Variants in ITGA9 observed in about 807,000 individuals in gnomAD.
ITGA9 encodes integrin alpha-9.
A neutral mutation model predicts 127.8 loss-of-function variants in ITGA9; 56 were observed. The ratio of observed to expected loss-of-function variants is 0.44; its 90% confidence interval spans 0.35 to 0.55. The LOEUF (loss-of-function observed/expected upper bound fraction) is 0.55. ITGA9 is among the 20% of genes least tolerant of loss of function. The probability of loss-of-function intolerance (pLI) is 0.00; values close to 1 mark genes in which losing one functional copy is unlikely to be tolerated. For missense variants in ITGA9, 1,196 were observed against 1,347.1 expected (o/e 0.89, Z 1.76); for synonymous variants, 508 against 514.5 (o/e 0.99, Z 0.17).
chr3:37,707,341 G>A (rs1034753944), intron 18 of ITGA9, among the ~76,000 whole-genome samples: 24 of 152,202 alleles, frequency 1.6e-4, no homozygotes, highest in Non-Finnish European at 3.2e-4. Flanking sequence ...GTTCTCAGAA[G>A]TGGTTGCACC....
intron 2 of ITGA9, among the ~76,000 whole-genome samples, 186 bp from the exon 3 acceptor site, chr3:37,473,168 A>G (rs75439811): frequency 0.02 from 3,094 of 151,366 alleles, 108 homozygotes; most frequent in African/African-American, 0.069. Flanking sequence ...AAAAGAAAGA[A>G]AAAGAAAGCC....
In ITGA9 at chr3:37,522,724, TAAAAA is replaced by T. The variant is rs35125393; in HGVS notation, c.1237-787_1237-783del. The stretch of plus-strand genomic sequence containing the variant: ...GGCAACAGAGCAAGACTCTATCTCT[TAAAAA>T]AAAAAAAAAGAGAAAGTTTTTTGTT... On this transcript the variant is annotated intron_variant, in intron 11 of 27. Coordinates refer to ENST00000264741, the MANE Select transcript of ITGA9 (RefSeq NM_002207.3). Among the ~76,000 whole-genome samples, 588 of 145,566 alleles carry T rather than the reference TAAAAA, an allele frequency of 4.0e-3. 6 individuals are homozygous for T. The highest frequency in any genetic ancestry group is 0.013 in the African/African-American group (503 of 39,530).
chr3:37,661,325 T>C (rs1441578244), intron 17 of ITGA9, among the ~76,000 whole-genome samples: 6 of 152,154 alleles, frequency 3.9e-5, no homozygotes, highest in Admixed American at 6.5e-5. Flanking sequence ...CTCAGCCTCT[T>C]AGGTTGGGTT....
intron 15 of ITGA9, among the ~76,000 whole-genome samples, chr3:37,553,223 G>A (rs1273045229): frequency 6.6e-6 from 1 of 152,138 alleles, no homozygotes; most frequent in Non-Finnish European, 1.5e-5. Context: ...GATATTTCCT[G>A]AGAACAAGGA....
chr3:37,691,633 G>A (rs898159732), intron 18 of ITGA9, among the ~76,000 whole-genome samples: 2 of 152,190 alleles, frequency 1.3e-5, no homozygotes, highest in African/African-American at 4.8e-5. Flanking sequence ...CAGGCCACCA[G>A]CCTGTGACCT....
chr3:37,727,152 G>A (rs9876740), intron 18 of ITGA9, among the ~76,000 whole-genome samples: 289 of 152,264 alleles, frequency 1.9e-3, no homozygotes, highest in African/African-American at 6.6e-3. Flanking sequence ...AGCTCGCTGC[G>A]CTGGCCAGCA....
intron 16 of ITGA9, among the ~76,000 whole-genome samples, chr3:37,630,192 T>C (rs1334370071): frequency 6.6e-6 from 1 of 151,864 alleles, no homozygotes; most frequent in Admixed American, 6.6e-5. Flanking sequence ...TAGATTAGAG[T>C]TGTAGACTGA....
At position 37,777,481 on chromosome 3, in the gene ITGA9, A is replaced by G; in HGVS notation, c.2631A>G (p.Ile877Met). 5 of 1,614,074 alleles carry G rather than the reference A, an allele frequency of 3.1e-6. No individual in the cohort carries two copies. The highest frequency in any genetic ancestry group is 4.2e-6 in the Non-Finnish European group (5 of 1,179,982). The part of the protein sequence containing the change: ...PQEQENIFHT[I>M]FAFFTKSGRK... ...AACAAGAAAATATCTTCCACACAAT[A>G]TTTGCTTTTTTCACAAAGTCTGGAA... Residue 877 changes from isoleucine (I) to methionine (M), a missense_variant, in exon 24 of 28, where the codon ATA becomes ATG. By Grantham distance (10) the Ile-to-Met change is conservative (BLOSUM62 1). Coordinates refer to ENST00000264741, the MANE Select transcript of ITGA9 (RefSeq NM_002207.3).
intron 9 of ITGA9, among the ~76,000 whole-genome samples, chr3:37,515,530 G>A (rs1191294108): frequency 6.6e-6 from 1 of 152,176 alleles, no homozygotes; most frequent in Non-Finnish European, 1.5e-5. Flanking sequence ...TTGAAGCCAG[G>A]AGTTCAAGAC....
At chr3:37,740,092 A>G (rs1696415216) in intron 20 of ITGA9, among the ~76,000 whole-genome samples, 1 of 152,186 alleles carries the variant, frequency 6.6e-6, no homozygotes, top group African/African-American at 2.4e-5. Flanking sequence ...TCAGAACAAT[A>G]GGAGGGAGAA....
chr3:37,548,130 A>G (rs1346133919), intron 15 of ITGA9, among the ~76,000 whole-genome samples: 2 of 152,246 alleles, frequency 1.3e-5, no homozygotes, highest in Non-Finnish European at 2.9e-5. Context: ...TAACAATATT[A>G]TGTTATTATG....
intron 1 of ITGA9, among the ~76,000 whole-genome samples, chr3:37,462,505 G>A (rs1287280799): frequency 6.6e-6 from 1 of 152,186 alleles, no homozygotes; most frequent in Non-Finnish European, 1.5e-5. Flanking sequence ...GAAGCACAGA[G>A]AAGCCAAGTC....
At chr3:37,533,527 A>AT (rs1486918029) in intron 14 of ITGA9, 59 bp downstream of exon 14, 26 of 1,557,788 alleles carry the variant, frequency 1.7e-5, no homozygotes, top group Admixed American at 1.7e-5. Flanking sequence ...GGCTAGTGGG[A>AT]TATTTCCGAT....
chr3:37,539,929 G>A (rs75187252), intron 14 of ITGA9, among the ~76,000 whole-genome samples: 5,588 of 152,266 alleles, frequency 0.037, 307 homozygotes, highest in South Asian at 0.2. Flanking sequence ...CTGCTCTGGG[G>A]ACTTGAGTTC....
rs763021254 is a variant in ITGA9 at position 37,683,849 on chromosome 3, C to CGA, written c.1917-16_1917-15insGA. ...TAGGCCTCAGGGCATTCATTGCTGT[C>CGA]TATTTTTCGTTACAGTATGGATGAG... is the stretch of plus-strand genomic sequence containing the variant. On this transcript the variant is annotated splice_polypyrimidine_tract_variant and intron_variant, in intron 17 of 27. Coordinates refer to ENST00000264741, the MANE Select transcript of ITGA9 (RefSeq NM_002207.3). 6.2e-7 allele frequency: 1 copy of CGA among 1,613,666 alleles called. No homozygotes were observed. The highest frequency in any genetic ancestry group is 1.1e-5 in the South Asian group (1 of 91,002).
rs1232458989 is a variant in ITGA9 at position 37,533,402 on chromosome 3, C to T, written c.1462C>T (p.Pro488Ser). 4.3e-6 allele frequency: 7 copies of T among 1,614,076 alleles called. No individual in the cohort carries two copies. The highest frequency in any genetic ancestry group is 1.7e-5 in the Admixed American group (1 of 59,996). The change falls in exon 14 of 28, where the codon CCT (proline) becomes TCT (serine). Residue 488 changes from proline to serine, a missense_variant. Transcript: ENST00000264741. ...TAPQCHDGQQPVNCLNVTTCF... is the reference protein window; with the variant it reads ...TAPQCHDGQQSVNCLNVTTCF... ...GCCTCAGTGTCACGACGGACAGCAG[C>T]CTGTGAACTGCCTGAACGTCACCAC...
chr3:37,737,269 G>A (rs968309141), intron 20 of ITGA9, among the ~76,000 whole-genome samples: 4 of 152,184 alleles, frequency 2.6e-5, no homozygotes, highest in African/African-American at 9.7e-5. Context: ...AGGGGGGTGA[G>A]GCTCTAGTCC....
intron 27 of ITGA9, among the ~76,000 whole-genome samples, chr3:37,812,318 G>C (rs930332464): frequency 2.6e-5 from 4 of 152,208 alleles, no homozygotes; most frequent in Non-Finnish European, 5.9e-5. Context: ...GTCCAAAAAA[G>C]GAATTTGTCC....
intron 16 of ITGA9, among the ~76,000 whole-genome samples, chr3:37,635,959 A>C (rs1358901879): frequency 1.1e-4 from 16 of 151,810 alleles, no homozygotes; most frequent in Admixed American, 7.2e-4. Flanking sequence ...AAGGACACGA[A>C]GTCATCATTT....
Sources: allele counts gnomAD v4.1 joint callset (sites outside exome capture counted in the v4.1 genomes callset), GRCh38; gene constraint gnomAD v4.1.1; transcripts MANE v1.5; gene names NCBI Gene and HGNC (gene_info 2026-07-23, HGNC 2026-07-21).